The following POFUT3 variants were observed in gnomAD, a reference collection of about 807,000 sequenced individuals.
POFUT3 encodes the protein GDP-fucose protein O-fucosyltransferase 3.
the POFUT3 span, among the ~76,000 whole-genome samples, chr8:33,321,048 C>T: frequency 6.6e-6 from 1 of 152,052 alleles, no homozygotes; most frequent in African/African-American, 2.4e-5. Flanking sequence ...TTCATAAGAC[C>T]TCCACCTGCA....
the POFUT3 span, among the ~76,000 whole-genome samples, chr8:33,422,545 CA>C: frequency 1.7e-3 from 63 of 37,136 alleles, no homozygotes; most frequent in Admixed American, 3.2e-3. Flanking sequence ...AACTCTGTCT[CA>C]AAAAAAAAAA....
the POFUT3 span, among the ~76,000 whole-genome samples, chr8:33,470,132 G>A: frequency 6.7e-6 from 1 of 149,936 alleles, no homozygotes; most frequent in Non-Finnish European, 1.5e-5. Context: ...TGGTGTCGTG[G>A]CTCATGCCTG....
the POFUT3 span, among the ~76,000 whole-genome samples, chr8:33,447,149 A>T: frequency 6.6e-6 from 1 of 152,250 alleles, no homozygotes; most frequent in Admixed American, 6.5e-5. Flanking sequence ...GTCATGGAGG[A>T]CTACAACAGT....
At chr8:33,357,508 ATATG>A in the POFUT3 span, among the ~76,000 whole-genome samples, 1 of 147,588 alleles carries the variant, frequency 6.8e-6, no homozygotes, top group Non-Finnish European at 1.5e-5. Flanking sequence ...ATATATATAT[ATATG>A]TATGTGTGTG....
At chr8:33,446,015 A>C in the POFUT3 span, among the ~76,000 whole-genome samples, 1 of 152,146 alleles carries the variant, frequency 6.6e-6, no homozygotes, top group Non-Finnish European at 1.5e-5. Flanking sequence ...CTGTGCCTTC[A>C]TTCTCCTTCC....
chr8:33,350,959 T>A, the POFUT3 span, among the ~76,000 whole-genome samples: 4 of 152,196 alleles, frequency 2.6e-5, no homozygotes, highest in Admixed American at 6.5e-5. Flanking sequence ...ATAATTATAA[T>A]GCAACAAAGT....
At chr8:33,436,382 A>T in the POFUT3 span, 2 of 1,400,810 alleles carry the variant, frequency 1.4e-6, no homozygotes, top group Non-Finnish European at 2.0e-6. Context: ...TGTCACATTC[A>T]ACGACCGTCT....
chr8:33,469,803 C>CTTT, the POFUT3 span, among the ~76,000 whole-genome samples: 409 of 108,736 alleles, frequency 3.8e-3, 11 homozygotes, highest in African/African-American at 7.7e-3. Flanking sequence ...TTTACTTTTT[C>CTTT]TTTTTTTTTT....
the POFUT3 span, among the ~76,000 whole-genome samples, chr8:33,386,427 C>T: frequency 6.6e-6 from 1 of 152,078 alleles, no homozygotes; most frequent in Non-Finnish European, 1.5e-5. Context: ...GAAGGACATC[C>T]AATCATACTA....
At chr8:33,464,216 G>A in the POFUT3 span, among the ~76,000 whole-genome samples, 3 of 152,106 alleles carry the variant, frequency 2.0e-5, no homozygotes, top group African/African-American at 4.8e-5. Flanking sequence ...GGTGGAAAAT[G>A]AAGCATATAA....
chr8:33,324,689 G>A, the POFUT3 span, among the ~76,000 whole-genome samples: 1 of 152,046 alleles, frequency 6.6e-6, no homozygotes, highest in African/African-American at 2.4e-5. Flanking sequence ...CATAACAAAT[G>A]TTGGCTATTA....
chr8:33,398,344 A>G, the POFUT3 span, among the ~76,000 whole-genome samples: 2 of 152,226 alleles, frequency 1.3e-5, no homozygotes, highest in African/African-American at 4.8e-5. Context: ...TTCATGTAGC[A>G]TGTTAACACT....
At chr8:33,417,364 C>T in the POFUT3 span, among the ~76,000 whole-genome samples, 15 of 152,256 alleles carry the variant, frequency 9.9e-5, no homozygotes, top group Admixed American at 2.6e-4. Context: ...GTGCACAATA[C>T]ATTTAATGCC....
chr8:33,380,202 C>CTATATATATATACTA, the POFUT3 span, among the ~76,000 whole-genome samples: 1 of 37,650 alleles, frequency 2.7e-5, no homozygotes, highest in Non-Finnish European at 4.1e-5. Flanking sequence ...TATATATATA[C>CTATATATATATACTA]TATATATATA....
the POFUT3 span, among the ~76,000 whole-genome samples, chr8:33,358,908 A>T: frequency 2.0e-5 from 3 of 152,150 alleles, no homozygotes; most frequent in African/African-American, 7.2e-5. Context: ...TAGCAAAAAG[A>T]GGGTTGTTTA....
the POFUT3 span, among the ~76,000 whole-genome samples, chr8:33,463,332 C>T: frequency 3.3e-5 from 5 of 151,910 alleles, no homozygotes; most frequent in Non-Finnish European, 5.9e-5. Context: ...TGGTGAAACC[C>T]CGTCTCTACT....
At chr8:33,378,021 G>A in the POFUT3 span, among the ~76,000 whole-genome samples, 1 of 152,148 alleles carries the variant, frequency 6.6e-6, no homozygotes, top group East Asian at 1.9e-4. Flanking sequence ...TAGAAGTGGA[G>A]TAACCATATC....
At chr8:33,433,257 T>C in the POFUT3 span, among the ~76,000 whole-genome samples, 3 of 151,834 alleles carry the variant, frequency 2.0e-5, no homozygotes, top group African/African-American at 7.3e-5. Context: ...TCATTAATCA[T>C]TCTTTTCAAA....
At chr8:33,316,122 TCTA>T in the POFUT3 span, among the ~76,000 whole-genome samples, 1 of 152,124 alleles carries the variant, frequency 6.6e-6, no homozygotes, top group Non-Finnish European at 1.5e-5. Flanking sequence ...TCATCACTGA[TCTA>T]CTATTTATTA....
Sources: allele counts gnomAD v4.1 joint callset (sites outside exome capture counted in the v4.1 genomes callset), GRCh38; gene constraint gnomAD v4.1.1; transcripts MANE v1.5; gene names NCBI Gene and HGNC (gene_info 2026-07-23, HGNC 2026-07-21).